Variants in CADPS2 observed in about 807,000 individuals in gnomAD.
The protein encoded by CADPS2 is calcium dependent secretion activator 2.
A neutral mutation model predicts 172.5 loss-of-function variants in CADPS2; 93 were observed. The observed-to-expected ratio is 0.54, with a 90% CI of 0.46 to 0.64. CADPS2 has a LOEUF of 0.64. Among genes scored for constraint, CADPS2 ranks in the 30% least tolerant of loss-of-function variants. CADPS2 has a pLI of 0.00. For missense variants in CADPS2, 1,420 were observed against 1,565.9 expected (o/e 0.91, Z 1.57); for synonymous variants, 546 against 555.2 (o/e 0.98, Z 0.23).
At chr7:122,616,098 G>T (rs1202040817) in intron 5 of CADPS2, among the ~76,000 whole-genome samples, 6 of 152,030 alleles carry the variant, frequency 3.9e-5, no homozygotes, top group Admixed American at 2.0e-4. Flanking sequence ...TTGGATGTAT[G>T]TATCAAATAT....
chr7:122,795,182 A>C (rs1232684716), intron 1 of CADPS2, among the ~76,000 whole-genome samples: 1 of 152,090 alleles, frequency 6.6e-6, no homozygotes, highest in African/African-American at 2.4e-5. Context: ...CAAATCCAGG[A>C]GCAATTTTTT....
intron 2 of CADPS2, among the ~76,000 whole-genome samples, chr7:122,713,124 A>G (rs2089024791): frequency 6.6e-6 from 1 of 152,154 alleles, no homozygotes; most frequent in Admixed American, 6.6e-5. Flanking sequence ...CCCATACAGC[A>G]TATCTGTTCA....
At chr7:122,795,724 C>T (rs759028752) in intron 1 of CADPS2, among the ~76,000 whole-genome samples, 19 of 152,024 alleles carry the variant, frequency 1.2e-4, no homozygotes, top group Non-Finnish European at 2.5e-4. Context: ...AAAATAAGAG[C>T]CATCTATGAC....
intron 20 of CADPS2, among the ~76,000 whole-genome samples, chr7:122,406,606 T>C (rs1204828254): frequency 1.3e-5 from 2 of 152,006 alleles, no homozygotes; most frequent in Non-Finnish European, 2.9e-5. Flanking sequence ...CAGGGTAAGG[T>C]GATGAGAATG....
intron 9 of CADPS2, among the ~76,000 whole-genome samples, chr7:122,496,615 GTTT>G (rs1000574307): frequency 5.3e-5 from 8 of 151,890 alleles, no homozygotes; most frequent in African/African-American, 1.9e-4. Context: ...TTTATGATTT[GTTT>G]TTTATGTTGG....
At chr7:122,722,380 C>G (rs1169081083) in intron 2 of CADPS2, among the ~76,000 whole-genome samples, 1 of 151,096 alleles carries the variant, frequency 6.6e-6, no homozygotes, top group Non-Finnish European at 1.5e-5. Context: ...AAATCACAAG[C>G]ATTCTTCTAC....
intron 27 of CADPS2, among the ~76,000 whole-genome samples, chr7:122,350,011 C>G (rs10253755): frequency 0.024 from 3,728 of 152,216 alleles, 143 homozygotes; most frequent in African/African-American, 0.085. Flanking sequence ...ACTATTCCAG[C>G]CTCAAAGCTT....
chr7:122,488,233 A>C (rs2058009382), intron 11 of CADPS2, among the ~76,000 whole-genome samples: 1 of 152,214 alleles, frequency 6.6e-6, no homozygotes, highest in Non-Finnish European at 1.5e-5. Context: ...GCTGGGGGTG[A>C]GCAATGAACA....
chr7:122,461,595 T>C (rs1355589198), intron 14 of CADPS2, among the ~76,000 whole-genome samples: 1 of 151,362 alleles, frequency 6.6e-6, no homozygotes. Context: ...TTTTTTGTTG[T>C]TGTTTTGTTT....
chr7:122,847,701 C>T (rs1400102082), intron 1 of CADPS2, among the ~76,000 whole-genome samples: 7 of 152,116 alleles, frequency 4.6e-5, no homozygotes, highest in Admixed American at 2.6e-4. Context: ...CCTTAGCTCA[C>T]ATTTCTAGAA....
intron 2 of CADPS2, chr7:122,698,932 G>C: frequency 6.5e-7 from 1 of 1,543,776 alleles, no homozygotes. Flanking sequence ...TCTCTTCTCC[G>C]AGTGACTTAA....
intron 2 of CADPS2, chr7:122,697,736 T>G: frequency 7.3e-7 from 1 of 1,361,704 alleles, no homozygotes; most frequent in African/African-American, 1.5e-5. Context: ...TTGTCAGTAT[T>G]AGGACCTGAT....
At chr7:122,360,481 G>A (rs1402680197) in intron 27 of CADPS2, among the ~76,000 whole-genome samples, 1 of 152,154 alleles carries the variant, frequency 6.6e-6, no homozygotes, top group African/African-American at 2.4e-5. Flanking sequence ...AAAGCGAGCA[G>A]TTTTTCTATA....
chr7:122,663,479 CTA>C lies in CADPS2; in HGVS notation c.542_543del (p.Ile181ArgfsTer27). 1.2e-6 allele frequency: 2 copies of C among 1,613,780 alleles called. No homozygotes were observed. Among genetic ancestry groups the C allele is most frequent in the Non-Finnish European group, 1.7e-6 (2 of 1,179,790 alleles). On this transcript the variant is annotated frameshift_variant, in exon 3 of 30. Coordinates refer to ENST00000449022, the MANE Select transcript of CADPS2 (RefSeq NM_017954.11). LOFTEE classifies it high-confidence loss of function. ...TCTGGCAAACTCCGCACACGTTTTT[CTA>C]TGTTTTTCTTAAATACTTCTCTGAA... ...NDFREVFKKN[I>X]EKRVRSLPEI... is the part of the protein sequence containing the mutation.
intron 20 of CADPS2, chr7:122,395,418 G>A (rs1184085125): frequency 1.3e-5 from 2 of 152,046 alleles, no homozygotes; most frequent in Non-Finnish European, 2.9e-5. Flanking sequence ...CATATTTAAT[G>A]ATAGGTGTCT....
intron 27 of CADPS2, among the ~76,000 whole-genome samples, chr7:122,353,849 C>T (rs117219396): frequency 2.0e-4 from 31 of 152,272 alleles, no homozygotes; most frequent in Non-Finnish European, 3.4e-4. Flanking sequence ...TCTGCTCCCA[C>T]TTGTTTTTAG....
At chr7:122,582,478 G>A (rs1342344617) in intron 6 of CADPS2, among the ~76,000 whole-genome samples, 3 of 151,868 alleles carry the variant, frequency 2.0e-5, no homozygotes, top group Non-Finnish European at 2.9e-5. Flanking sequence ...ATCAATTAGG[G>A]AAGAAAACAG....
intron 1 of CADPS2, among the ~76,000 whole-genome samples, chr7:122,869,296 T>C (rs1819119574): frequency 6.6e-6 from 1 of 151,924 alleles, no homozygotes; most frequent in Non-Finnish European, 1.5e-5. Flanking sequence ...GTTTCTAAAG[T>C]GAAAACAAAG....
intron 14 of CADPS2, among the ~76,000 whole-genome samples, chr7:122,457,016 T>C (rs976744254): frequency 1.3e-5 from 2 of 152,162 alleles, no homozygotes; most frequent in African/African-American, 4.8e-5. Flanking sequence ...GAGCTCTAAA[T>C]TGAAAAAGGT....
Sources: gnomAD v4.1 joint callset for allele counts (sites outside exome capture counted in the v4.1 genomes callset) on GRCh38, gnomAD v4.1.1 for gene constraint, MANE v1.5 for transcripts, NCBI Gene and HGNC (gene_info 2026-07-23, HGNC 2026-07-21) for gene names.